The following CCT2 variants were observed in gnomAD, a reference collection of about 807,000 sequenced individuals.
The protein encoded by CCT2 is chaperonin containing TCP1 subunit 2.
Under a neutral mutation model 61.8 loss-of-function variants are expected in CCT2, and 18 were observed. That is an observed-to-expected ratio of 0.29 (90% CI 0.20 to 0.43). The LOEUF (loss-of-function observed/expected upper bound fraction) is 0.43, where lower values mean the gene tolerates loss of function less well. Among genes scored for constraint, CCT2 ranks in the 20% least tolerant of loss-of-function variants. The probability of loss-of-function intolerance (pLI) is 1.00; values close to 1 mark genes in which losing one functional copy is unlikely to be tolerated. For missense variants in CCT2, 556 were observed against 656.9 expected (o/e 0.85, Z 1.68); for synonymous variants, 248 against 215.9 (o/e 1.15, Z -1.30).
intron 10 of CCT2, 95 bp downstream of exon 10, chr12:69,593,708 A>G: frequency 1.4e-6 from 1 of 691,086 alleles, no homozygotes; most frequent in African/African-American, 1.8e-5. Context: ...GGAGTTTAGA[A>G]TTTCAGCAGT....
chr12:69,601,157 A>G, intron 15 of CCT2, 138 bp from the exon 16 acceptor site: 1 of 695,954 alleles, frequency 1.4e-6, no homozygotes, highest in Non-Finnish European at 2.4e-6. Flanking sequence ...TGAGTGTTAT[A>G]GGGGACACAC....
At chr12:69,588,951 G>A (rs528659814) in intron 6 of CCT2, among the ~76,000 whole-genome samples, 1 of 152,340 alleles carries the variant, frequency 6.6e-6, no homozygotes, top group South Asian at 2.1e-4. Context: ...TTGAGACGGA[G>A]TCTCGCTCTT....
At chr12:69,586,093 A>AGTCCC (rs1380775212) in intron 1 of CCT2, 177 bp from the exon 2 acceptor site, 2 of 1,225,858 alleles carry the variant, frequency 1.6e-6, no homozygotes, top group Non-Finnish European at 2.2e-6. Flanking sequence ...CTCTCCTACA[A>AGTCCC]GTCCCTCTCT....
At chr12:69,595,782 T>A (rs2135857497) in intron 10 of CCT2, among the ~76,000 whole-genome samples, 1 of 145,922 alleles carries the variant, frequency 6.9e-6, no homozygotes, top group East Asian at 2.1e-4. Context: ...AATTGCTCTA[T>A]ACCCAGAAGA....
chr12:69,599,673 C>T (rs1044124092), intron 14 of CCT2, 190 bp from the exon 15 acceptor site: 4 of 391,346 alleles, frequency 1.0e-5, no homozygotes, highest in South Asian at 4.7e-5. Flanking sequence ...AGATGTGAGC[C>T]GCTGCACCCG....
intron 10 of CCT2, among the ~76,000 whole-genome samples, chr12:69,595,415 G>T (rs893725390): frequency 9.9e-5 from 15 of 152,186 alleles, no homozygotes; most frequent in Admixed American, 9.8e-4. Context: ...GAGGCCGGGT[G>T]TGGTGGCTCA....
At chr12:69,595,365 T>G (rs774478829) in intron 10 of CCT2, among the ~76,000 whole-genome samples, 2 of 152,188 alleles carry the variant, frequency 1.3e-5, no homozygotes, top group Non-Finnish European at 2.9e-5. Flanking sequence ...TGCTCATGTT[T>G]ATGTAATTCA....
chr12:69,587,239 A>G (rs1019361659), intron 3 of CCT2: 7 of 385,364 alleles, frequency 1.8e-5, no homozygotes, highest in Non-Finnish European at 3.2e-5. Flanking sequence ...TAATTTAATT[A>G]TGGCTGTATT....
chr12:69,589,722 T>G (rs991441962), intron 7 of CCT2, 35 bp downstream of exon 7: 4 of 1,525,216 alleles, frequency 2.6e-6, no homozygotes, highest in Non-Finnish European at 2.7e-6. Flanking sequence ...AAGCTTTGAT[T>G]AGATGCTGAG....
intron 1 of CCT2, 37 bp downstream of exon 1, chr12:69,585,561 C>T: frequency 1.9e-6 from 3 of 1,564,534 alleles, no homozygotes; most frequent in Non-Finnish European, 2.6e-6. Context: ...CCTACCCCTG[C>T]TCCGCCGTGC....
chr12:69,588,001 T>A lies in CCT2; in HGVS notation c.328T>A (p.Leu110Ile). The change falls in exon 5 of 16, where the codon TTA becomes ATA. Residue 110 changes from leucine to isoleucine, a missense_variant. Physicochemically the swap from Leu to Ile is conservative, Grantham distance 5 (BLOSUM62 2). Coordinates refer to ENST00000299300, the MANE Select transcript of CCT2 (RefSeq NM_006431.3). ...TSVTVLAAEL[L>I]REAESLIAKK... ...TGTTACCGTTTTAGCAGCAGAATTATTAAGGGTAAGAGCAACTAAGCAACT... is the reference window on the plus strand; with the variant it reads ...TGTTACCGTTTTAGCAGCAGAATTAATAAGGGTAAGAGCAACTAAGCAACT... 6.2e-7 allele frequency: 1 copy of A among 1,613,118 alleles called. No individual in the cohort carries two copies.
intron 7 of CCT2, among the ~76,000 whole-genome samples, chr12:69,590,124 AT>A (rs1881789550): frequency 1.3e-5 from 2 of 152,210 alleles, no homozygotes; most frequent in Admixed American, 1.3e-4. Context: ...TTTTCAATAA[AT>A]ATAGTCAGCC....
intron 12 of CCT2, 75 bp downstream of exon 12, chr12:69,597,841 T>G: frequency 6.8e-7 from 1 of 1,476,264 alleles, no homozygotes. Context: ...GTTTTAATGG[T>G]TCTTACAGAA....
In CCT2 at chr12:69,592,075, A is replaced by C. The variant is rs747655156; in HGVS notation, c.666A>C (p.Lys222Asn). 1 of 1,588,950 alleles carries C rather than the reference A, an allele frequency of 6.3e-7. No individual in the cohort carries two copies. The highest frequency in any genetic ancestry group is 8.6e-7 in the Non-Finnish European group (1 of 1,157,290). The change falls in exon 8 of 16, where the codon AAA (lysine) becomes AAC (asparagine). Residue 222 changes from lysine (K) to asparagine (N), a missense_variant. Transcript: ENST00000299300. ...TTATTGTAGGCTTCCTGTTGGATAA[A>C]AAAATTGGAGTAAATCAACCAAAAC... ...SYLDEGFLLD[K>N]KIGVNQPKRI...
chr12:69,600,944 G>T (rs1882130114), intron 15 of CCT2, among the ~76,000 whole-genome samples: 1 of 152,174 alleles, frequency 6.6e-6, no homozygotes, highest in Non-Finnish European at 1.5e-5. Context: ...GGGGGTGTCT[G>T]CAGAGTCCCA....
At chr12:69,598,560 G>A in intron 14 of CCT2, 139 bp downstream of exon 14, 1 of 467,822 alleles carries the variant, frequency 2.1e-6, no homozygotes, top group Non-Finnish European at 3.8e-6. Context: ...ATCATTACAT[G>A]TGCTGGGAAA....
At chr12:69,596,670 CTT>C (rs1445309139) in intron 10 of CCT2, among the ~76,000 whole-genome samples, 1 of 152,098 alleles carries the variant, frequency 6.6e-6, no homozygotes, top group Non-Finnish European at 1.5e-5. Flanking sequence ...TAGTGGTTGA[CTT>C]ATAGGACAAA....
intron 7 of CCT2, among the ~76,000 whole-genome samples, chr12:69,590,341 T>C (rs951778991): frequency 6.6e-6 from 1 of 152,214 alleles, no homozygotes; most frequent in Non-Finnish European, 1.5e-5. Flanking sequence ...CTAGTTTTTT[T>C]TAGAAAAGAA....
chr12:69,587,910 T>C lies in CCT2; in HGVS notation c.257-20T>C. 1 of 1,578,638 alleles carries C rather than the reference T, an allele frequency of 6.3e-7. No homozygotes were observed. Among genetic ancestry groups the C allele is most frequent in the South Asian group, 1.1e-5 (1 of 90,224 alleles). On this transcript the variant is annotated intron_variant, in intron 4 of 15. Coordinates refer to ENST00000299300, the MANE Select transcript of CCT2 (RefSeq NM_006431.3). ...AAGCAAAGAAGCAATTTTGAGTTAA[T>C]AACTAATTTCTTTTTCTAGATATGT...
Sources: allele counts gnomAD v4.1 joint callset (sites outside exome capture counted in the v4.1 genomes callset), GRCh38; gene constraint gnomAD v4.1.1; transcripts MANE v1.5; gene names NCBI Gene and HGNC (gene_info 2026-07-23, HGNC 2026-07-21).